Variants in PCDHGA6 observed in about 807,000 individuals in gnomAD.
PCDHGA6 encodes protocadherin gamma-A6.
PCDHGA6 carries 41 observed loss-of-function variants against 60.6 expected under a neutral mutation model. The observed-to-expected ratio is 0.68, with a 90% CI of 0.53 to 0.88. The LOEUF (loss-of-function observed/expected upper bound fraction) is 0.88, where lower values mean the gene tolerates loss of function less well. Among genes scored for constraint, PCDHGA6 ranks in the 40% least tolerant of loss-of-function variants. The pLI, the probability that PCDHGA6 is intolerant of heterozygous loss-of-function variation, is 0.00. For synonymous variants in PCDHGA6, 594 were observed against 524.4 expected, an observed-to-expected ratio of 1.13 and a Z score of -1.81; for missense variants, 1,312 against 1,203.0, an observed-to-expected ratio of 1.09 and a Z score of -1.34.
Position 141,502,395 on chromosome 5 carries a change from G to A in PCDHGA6, c.2484-2998G>A, listed in dbSNP as rs115188718. The stretch of plus-strand genomic sequence containing the variant: ...GTCCAGGCCAGTTGTACTTTAAAAT[G>A]TCCCCGAACCTGGATTTGCTGGCTA... On this transcript the variant is annotated intron_variant, in intron 2 of 3. Transcript: ENST00000517434. Among the ~76,000 whole-genome samples, 610 of 151,894 alleles carry A rather than the reference G, an allele frequency of 4.0e-3. 3 individuals carry two copies. Among genetic ancestry groups the A allele is most frequent in the African/African-American group, 0.013 (553 of 41,410 alleles).
intron 1 of PCDHGA6, chr5:141,394,966 G>C (rs758463890): frequency 1.9e-6 from 3 of 1,613,768 alleles, no homozygotes; most frequent in Admixed American, 3.3e-5. Context: ...AGGCTGAGGC[G>C]CTGGCACAAG....
At chr5:141,393,980 T>C (rs745601350) in intron 1 of PCDHGA6, 132 of 1,613,686 alleles carry the variant, frequency 8.2e-5, no homozygotes, top group Admixed American at 6.7e-5. Context: ...CACGTGATAA[T>C]TTACCTTTTA....
intron 1 of PCDHGA6, among the ~76,000 whole-genome samples, chr5:141,456,206 T>C (rs966457070): frequency 6.6e-6 from 1 of 152,098 alleles, no homozygotes; most frequent in African/African-American, 2.4e-5. Context: ...ACCACATTCC[T>C]CCCTGTGGCG....
chr5:141,415,419 C>T (rs2095868053), intron 1 of PCDHGA6: 1 of 1,614,196 alleles, frequency 6.2e-7, no homozygotes, highest in Non-Finnish European at 8.5e-7. Context: ...TGGGCGTGGA[C>T]GGGGTTCGGG....
rs777115265 is a variant in PCDHGA6, at chr5:141,485,247, G to C, written c.2425-9560G>C. ...CTTTTGTTCCTCTTTTACCACCTGG[G>C]TTACGTTTGTGGGCAGATCCGCTAC... On this transcript the variant is annotated intron_variant, in intron 1 of 3. Coordinates refer to ENST00000517434, the MANE Select transcript of PCDHGA6 (RefSeq NM_018919.3). This position sits in a 1 kb window ranked among gnomAD's most constrained non-coding sequence, Gnocchi z 5.7. 8.7e-6 allele frequency: 14 copies of C among 1,614,156 alleles called. No homozygotes were observed. In the African/African-American group the frequency reaches 1.6e-4, roughly 18 times the overall value.
intron 3 of PCDHGA6, among the ~76,000 whole-genome samples, chr5:141,506,011 C>T (rs1209221520): frequency 6.6e-6 from 1 of 152,204 alleles, no homozygotes; most frequent in Non-Finnish European, 1.5e-5. Flanking sequence ...TCCTCTTTTG[C>T]TGCCCCTAAC....
intron 1 of PCDHGA6, chr5:141,399,986 G>A (rs1400468651): frequency 6.2e-7 from 1 of 1,612,408 alleles, no homozygotes; most frequent in East Asian, 2.2e-5. Context: ...CTGCGCACAG[G>A]AGAGGTGCGC....
At position 141,410,750 on chromosome 5, in the gene PCDHGA6, A is replaced by G. The variant is rs1256862831; in HGVS notation, c.2424+34243A>G. Reference sequence around the variant, plus strand: ...CATAGCTTTTTACAATATTTTCTCAATGTTTTTTCAATTATAGTTTTCACT... The same window carrying G: ...CATAGCTTTTTACAATATTTTCTCAGTGTTTTTTCAATTATAGTTTTCACT... On this transcript the variant is annotated intron_variant, in intron 1 of 3. Coordinates refer to ENST00000517434, the MANE Select transcript of PCDHGA6 (RefSeq NM_018919.3). 23 of 1,243,022 alleles carry G rather than the reference A, an allele frequency of 1.9e-5. No homozygotes were observed. The East Asian group carries it at 4.4e-4, about 24-fold the overall frequency. 77.0% of individuals were successfully genotyped at this position (1,243,022 alleles called of 1,614,324 possible). A position where few individuals can be genotyped will look rare whatever the true frequency, so the allele number is the denominator to read the frequency against.
In PCDHGA6 at chr5:141,491,893, G is replaced by A; in HGVS notation, c.2425-2914G>A. The stretch of plus-strand genomic sequence containing the variant: ...GGCCGATTAAGGGATGGGGCTCCGA[G>A]CACCGGGGGTGGTGGCGACTGTGGG... On this transcript the variant is annotated intron_variant, in intron 1 of 3. Transcript: ENST00000517434. This position sits in a 1 kb window ranked among gnomAD's most constrained non-coding sequence, Gnocchi z 6.9. 9 of 1,438,856 alleles carry A rather than the reference G, an allele frequency of 6.3e-6. No individual in the cohort carries two copies. Among genetic ancestry groups the A allele is most frequent in the Non-Finnish European group, 8.3e-6 (9 of 1,088,104 alleles). 89.1% of individuals were successfully genotyped at this position (1,438,856 alleles called of 1,614,324 possible). A position where few individuals can be genotyped will look rare whatever the true frequency, so the allele number is the denominator to read the frequency against.
intron 1 of PCDHGA6, chr5:141,390,867 C>CGT (rs61319619): frequency 0.024 from 3,656 of 151,102 alleles, 86 homozygotes; most frequent in African/African-American, 0.056. Flanking sequence ...GCTGTGTGTG[C>CGT]GTGTGTGTGT....
At chr5:141,393,971 A>G (rs769025757) in intron 1 of PCDHGA6, 3 of 1,613,904 alleles carry the variant, frequency 1.9e-6, no homozygotes, top group Non-Finnish European at 2.5e-6. Flanking sequence ...TCTGTTACAC[A>G]CGTGATAATT....
chr5:141,492,619 G>A lies in PCDHGA6; in HGVS notation c.2425-2188G>A, dbSNP rs778698501. ...GCGACTGCCGCTCTAAGTGCCGGGC[G>A]GGCAGGACTCTACGATCCTTGGGCC... On this transcript the variant is annotated intron_variant, in intron 1 of 3. Coordinates refer to ENST00000517434, the MANE Select transcript of PCDHGA6 (RefSeq NM_018919.3). 7.8e-4 allele frequency among the ~76,000 whole-genome samples: 118 copies of A among 152,234 alleles called. 1 individual carries two copies. The highest frequency in any genetic ancestry group is 3.3e-3 in the Admixed American group (51 of 15,282).
intron 1 of PCDHGA6, chr5:141,441,629 G>T: frequency 4.5e-6 from 1 of 224,156 alleles, no homozygotes; most frequent in Non-Finnish European, 9.0e-6. Flanking sequence ...GTGACCTGGA[G>T]CCACAGGCGC....
intron 1 of PCDHGA6, chr5:141,390,461 C>T: frequency 2.7e-6 from 2 of 738,224 alleles, no homozygotes; most frequent in Non-Finnish European, 4.3e-6. Context: ...AAAGTAGGAG[C>T]AATTGTGTGG....
intron 1 of PCDHGA6, chr5:141,388,788 T>C (rs1253708084): frequency 1.2e-6 from 2 of 1,613,942 alleles, no homozygotes; most frequent in Non-Finnish European, 1.7e-6. Flanking sequence ...AATTACTGTT[T>C]TAAATACATT....
chr5:141,487,100 C>A lies in PCDHGA6; in HGVS notation c.2425-7707C>A. ...CCCAGCTGACCTCCCACCACAGAAGCTGGTCATTGTGGTAAAGGATAGTGG... is the reference window on the plus strand; with the variant it reads ...CCCAGCTGACCTCCCACCACAGAAGATGGTCATTGTGGTAAAGGATAGTGG... On this transcript the variant is annotated intron_variant, in intron 1 of 3. Coordinates refer to ENST00000517434, the MANE Select transcript of PCDHGA6 (RefSeq NM_018919.3). This position sits in a 1 kb window ranked among gnomAD's most constrained non-coding sequence, Gnocchi z 5.0. The A allele has an allele frequency of 1.2e-6, 2 of 1,614,076 alleles. No homozygotes were observed. The highest frequency in any genetic ancestry group is 1.7e-6 in the Non-Finnish European group (2 of 1,179,960).
intron 1 of PCDHGA6, chr5:141,427,797 G>T: frequency 6.6e-7 from 1 of 1,505,306 alleles, no homozygotes; most frequent in Non-Finnish European, 9.1e-7. Flanking sequence ...CTACGTGTCC[G>T]TGAGCGCACA....
chr5:141,416,615 C>T (rs1156238298), intron 1 of PCDHGA6: 1 of 152,088 alleles, frequency 6.6e-6, no homozygotes, highest in Non-Finnish European at 1.5e-5. Context: ...AATGCCATTT[C>T]TGCAGATCAG....
intron 1 of PCDHGA6, among the ~76,000 whole-genome samples, chr5:141,447,321 G>C (rs148203274): frequency 3.9e-5 from 6 of 152,068 alleles, no homozygotes; most frequent in Admixed American, 6.5e-5. Flanking sequence ...TGTATTTTTA[G>C]TAGAGACGGG....
Sources: gnomAD v4.1 joint callset for allele counts (sites outside exome capture counted in the v4.1 genomes callset) on GRCh38, gnomAD v4.1.1 for gene constraint, Gnocchi (gnomAD v3.1) non-coding constraint, MANE v1.5 for transcripts, NCBI Gene and HGNC (gene_info 2026-07-23, HGNC 2026-07-21) for gene names.